HCRTR2: variants seen among roughly 807,000 people sequenced by gnomAD.
HCRTR2 encodes the protein hypocretin receptor 2.
HCRTR2 carries 22 observed loss-of-function variants against 49.0 expected under a neutral mutation model. The observed-to-expected ratio is 0.45, with a 90% confidence interval of 0.32 to 0.64. The LOEUF (loss-of-function observed/expected upper bound fraction) is 0.64. Ranked by LOEUF, HCRTR2 falls within the 30% of genes least tolerant of loss-of-function variation. The pLI is 0.04. For missense variants in HCRTR2, 491 were observed against 559.4 expected (o/e 0.88, Z 1.23); for synonymous variants, 236 against 205.3 (o/e 1.15, Z -1.28).
chr6:55,238,208 G>C (rs1449936150), intron 1 of HCRTR2, among the ~76,000 whole-genome samples: 3 of 152,096 alleles, frequency 2.0e-5, no homozygotes, highest in Non-Finnish European at 4.4e-5. Context: ...ATCCCCAGCT[G>C]TCAAGCAATA....
At position 55,255,238 on chromosome 6, in the gene HCRTR2, GC is replaced by G. The variant is rs1562023679; in HGVS notation, c.508del (p.Arg170ValfsTer14). 6.2e-7 allele frequency: 1 copy of G among 1,613,968 alleles called. No individual in the cohort carries two copies. The highest frequency in any genetic ancestry group is 8.5e-7 in the Non-Finnish European group (1 of 1,179,952). ...PLMFKSTAKR[A>X]RNSIVIIWIV... ...GATGTTTAAGAGCACAGCAAAGCGG[GC>G]CCGTAACAGCATTGTCATCATCTGG... On this transcript the variant is annotated frameshift_variant, in exon 3 of 7. Coordinates refer to ENST00000370862, the MANE Select transcript of HCRTR2 (RefSeq NM_001384272.1). LOFTEE classifies it high-confidence loss of function.
At chr6:55,263,999 A>G (rs1479696173) in intron 4 of HCRTR2, 177 bp downstream of exon 4, 3 of 602,474 alleles carry the variant, frequency 5.0e-6, no homozygotes, top group Non-Finnish European at 8.9e-6. Flanking sequence ...GTGTTCTTTT[A>G]AAGTAATGAG....
intron 1 of HCRTR2, among the ~76,000 whole-genome samples, chr6:55,239,096 C>A (rs952372340): frequency 5.9e-5 from 9 of 152,094 alleles, no homozygotes; most frequent in Non-Finnish European, 1.0e-4. Flanking sequence ...ATGTGGGTGA[C>A]CAAAAGGTTG....
At chr6:55,171,399 C>T (rs1311942824), upstream of HCRTR2, among the ~76,000 whole-genome samples, 1 of 152,032 alleles carries the variant, frequency 6.6e-6, no homozygotes. Flanking sequence ...GATTCCTTTT[C>T]CCTACATCCA....
chr6:55,261,970 T>C (rs1455722733), intron 3 of HCRTR2, among the ~76,000 whole-genome samples: 1 of 152,116 alleles, frequency 6.6e-6, no homozygotes, highest in Non-Finnish European at 1.5e-5. Context: ...AATAATGGCA[T>C]TCCCAGCAAC....
intron 1 of HCRTR2, among the ~76,000 whole-genome samples, chr6:55,209,306 A>T (rs919325851): frequency 2.0e-5 from 3 of 152,240 alleles, no homozygotes; most frequent in Admixed American, 2.0e-4. Flanking sequence ...AATTAGAAAA[A>T]AGTTATAAAA....
chr6:55,254,893 C>T (rs935869423), intron 2 of HCRTR2, among the ~76,000 whole-genome samples: 1 of 151,574 alleles, frequency 6.6e-6, no homozygotes, highest in Admixed American at 6.6e-5. Context: ...AAAAAGATTG[C>T]AAAGTTTTCA....
At chr6:55,133,437 A>T (rs932173203) in intron 1 of HCRTR2, among the ~76,000 whole-genome samples, 1 of 151,630 alleles carries the variant, frequency 6.6e-6, no homozygotes, top group Non-Finnish European at 1.5e-5. Flanking sequence ...CAGAAGGGGT[A>T]TGCATCAAGT....
intron 4 of HCRTR2, among the ~76,000 whole-genome samples, chr6:55,268,991 G>A (rs1037301984): frequency 6.6e-6 from 1 of 151,174 alleles, no homozygotes; most frequent in Non-Finnish European, 1.5e-5. Context: ...TCAGGAGGCT[G>A]AGGCAGGAGA....
chr6:55,220,114 T>C (rs912109180), intron 1 of HCRTR2, among the ~76,000 whole-genome samples: 1 of 151,932 alleles, frequency 6.6e-6, no homozygotes, highest in Non-Finnish European at 1.5e-5. Flanking sequence ...TCTGCCAACA[T>C]TTAATAGAAA....
upstream of HCRTR2, among the ~76,000 whole-genome samples, chr6:55,169,995 A>G (rs1404136189): frequency 6.6e-6 from 1 of 152,116 alleles, no homozygotes; most frequent in African/African-American, 2.4e-5. Context: ...AAGAAAATAT[A>G]ATCTGGGACA....
intron 1 of HCRTR2, among the ~76,000 whole-genome samples, chr6:55,186,554 G>A (rs1765219297): frequency 6.6e-6 from 1 of 152,090 alleles, no homozygotes; most frequent in Non-Finnish European, 1.5e-5. Context: ...GTAGCTTTTT[G>A]TTCTTTTGTT....
chr6:55,203,987 G>T (rs1279159558), intron 1 of HCRTR2, among the ~76,000 whole-genome samples: 3 of 152,008 alleles, frequency 2.0e-5, no homozygotes, highest in South Asian at 2.1e-4. Flanking sequence ...ATTGAAAATT[G>T]TCTCTAAGGG....
At chr6:55,244,917 G>A (rs1349721310) in intron 1 of HCRTR2, among the ~76,000 whole-genome samples, 2 of 151,912 alleles carry the variant, frequency 1.3e-5, no homozygotes, top group Non-Finnish European at 2.9e-5. Flanking sequence ...ATTGAGTAAG[G>A]CGTCCTTCCC....
chr6:55,174,578 T>G lies in HCRTR2; in HGVS notation c.-10T>G, dbSNP rs200267043. ...TTGCAGCATTGAGCGGAACCGGACT[T>G]GAGCCCGTGATGTCCGGCACCAAAT... On this transcript the variant is annotated 5_prime_UTR_variant, in exon 1 of 7. Transcript: ENST00000370862. The G allele has an allele frequency of 6.2e-7, 1 of 1,611,802 alleles. No homozygotes were observed. Among genetic ancestry groups the G allele is most frequent in the Non-Finnish European group, 8.5e-7 (1 of 1,178,016 alleles).
At chr6:55,198,101 C>G (rs1235332475) in intron 1 of HCRTR2, among the ~76,000 whole-genome samples, 1 of 152,116 alleles carries the variant, frequency 6.6e-6, no homozygotes, top group African/African-American at 2.4e-5. Context: ...AAATGTATCT[C>G]AAACCTTAAC....
chr6:55,179,636 A>C (rs1206581601), intron 1 of HCRTR2, among the ~76,000 whole-genome samples: 1 of 152,178 alleles, frequency 6.6e-6, no homozygotes, highest in Non-Finnish European at 1.5e-5. Flanking sequence ...TATTTGAAAA[A>C]ATATATTTGG....
intron 1 of HCRTR2, among the ~76,000 whole-genome samples, chr6:55,227,130 T>G (rs1223747541): frequency 6.9e-6 from 1 of 144,184 alleles, no homozygotes; most frequent in African/African-American, 2.5e-5. Context: ...CAGTATTCTA[T>G]GATTTTTTTT....
chr6:55,142,455 G>A (rs555851798), intron 1 of HCRTR2, among the ~76,000 whole-genome samples: 12 of 150,040 alleles, frequency 8.0e-5, no homozygotes, highest in African/African-American at 2.7e-4. Context: ...TGATCCACCC[G>A]CTTCGGCCTC....
Sources: allele counts gnomAD v4.1 joint callset (sites outside exome capture counted in the v4.1 genomes callset), GRCh38; gene constraint gnomAD v4.1.1; transcripts MANE v1.5; gene names NCBI Gene and HGNC (gene_info 2026-07-23, HGNC 2026-07-21).